Variants in SDK1 observed in about 807,000 individuals in gnomAD.
SDK1 encodes the protein protein sidekick-1.
In SDK1, 157 loss-of-function variants were observed where a neutral mutation model predicts 245.5. That is an observed-to-expected ratio of 0.64 (90% CI 0.56 to 0.73). SDK1 has a LOEUF of 0.73. Ranked by LOEUF, SDK1 falls within the 30% of genes least tolerant of loss-of-function variation. The pLI is 0.00. For synonymous variants in SDK1, 1,647 were observed against 1,278.5 expected, an observed-to-expected ratio of 1.29 and a Z score of -6.15; for missense variants, 3,583 against 3,002.3, an observed-to-expected ratio of 1.19 and a Z score of -4.52.
At chr7:3,942,032 C>T (rs1780388401) in intron 5 of SDK1, among the ~76,000 whole-genome samples, 1 of 151,820 alleles carries the variant, frequency 6.6e-6, no homozygotes, top group South Asian at 2.1e-4. Flanking sequence ...CCTCAGCCTC[C>T]CGTAGCTGGG....
chr7:3,972,769 T>A (rs980024840), intron 12 of SDK1, among the ~76,000 whole-genome samples: 2 of 152,086 alleles, frequency 1.3e-5, no homozygotes, highest in African/African-American at 4.8e-5. Context: ...CTTGAGCGGG[T>A]GTTTGGCCAA....
At chr7:3,557,568 C>T (rs191609469) in intron 1 of SDK1, among the ~76,000 whole-genome samples, 2 of 152,164 alleles carry the variant, frequency 1.3e-5, no homozygotes, top group Admixed American at 6.5e-5. Context: ...TACACACCTA[C>T]AAGTAAATAT....
At chr7:3,552,250 G>T (rs1270912000) in intron 1 of SDK1, among the ~76,000 whole-genome samples, 2 of 152,104 alleles carry the variant, frequency 1.3e-5, no homozygotes, top group Admixed American at 6.5e-5. Context: ...TATTAGCAAG[G>T]ATGGTCTCGA....
intron 40 of SDK1, 100 bp from the exon 41 acceptor site, chr7:4,233,155 C>A: frequency 8.7e-7 from 1 of 1,151,706 alleles, no homozygotes; most frequent in Non-Finnish European, 1.3e-6. Context: ...ATGCCTCATC[C>A]AGGGCTGCTG....
chr7:4,129,821 G>A, intron 26 of SDK1, 87 bp from the exon 27 acceptor site: 2 of 1,573,918 alleles, frequency 1.3e-6, no homozygotes, highest in Middle Eastern at 1.8e-4. Flanking sequence ...GCTGGGCCTT[G>A]ATTCACGAAG....
intron 1 of SDK1, among the ~76,000 whole-genome samples, chr7:3,390,739 G>A (rs1039550032): frequency 1.3e-4 from 20 of 152,238 alleles, no homozygotes; most frequent in African/African-American, 4.8e-4. Flanking sequence ...AGCTAGGAGA[G>A]AGGTGGAACA....
chr7:3,336,818 C>T (rs936866198), intron 1 of SDK1, among the ~76,000 whole-genome samples: 9 of 152,130 alleles, frequency 5.9e-5, no homozygotes, highest in African/African-American at 2.2e-4. Context: ...ACTCTCACCC[C>T]ATCTGTCTGC....
intron 4 of SDK1, among the ~76,000 whole-genome samples, chr7:3,804,405 C>G (rs553180448): frequency 5.3e-5 from 8 of 152,070 alleles, no homozygotes; most frequent in African/African-American, 9.7e-5. Flanking sequence ...CCTACTGTTA[C>G]GGGTCTCTTT....
In SDK1 at chr7:3,325,423, T is replaced by C. The variant is rs7798768; in HGVS notation, c.298+23539T>C. On this transcript the variant is annotated intron_variant, in intron 1 of 44. Transcript: ENST00000404826. ...ATTTTACTTTATATTTTCATTGATA[T>C]TCAACGAATACCAATTTAAGGAGAG... Among the ~76,000 whole-genome samples the C allele has an allele frequency of 4.9e-3, 750 of 152,300 alleles. 9 individuals carry two copies. Among genetic ancestry groups the C allele is most frequent in the African/African-American group, 0.017 (719 of 41,566 alleles).
intron 1 of SDK1, among the ~76,000 whole-genome samples, chr7:3,392,381 T>G (rs1040898085): frequency 1.3e-5 from 2 of 152,196 alleles, no homozygotes; most frequent in Non-Finnish European, 2.9e-5. Context: ...GCCTTTAAGT[T>G]GGATCTTGTG....
intron 40 of SDK1, among the ~76,000 whole-genome samples, chr7:4,228,366 C>T (rs1301228527): frequency 6.6e-6 from 1 of 152,204 alleles, no homozygotes; most frequent in African/African-American, 2.4e-5. Flanking sequence ...GCACCTCCGC[C>T]CTCCACAGAC....
intron 32 of SDK1, among the ~76,000 whole-genome samples, chr7:4,170,942 G>T (rs943914926): frequency 4.6e-5 from 7 of 152,182 alleles, no homozygotes; most frequent in Non-Finnish European, 8.8e-5. Context: ...AGAGCATTTA[G>T]TAAAATCAGC....
rs1338465819 is a variant in SDK1 at position 3,504,180 on chromosome 7, A to ATGTGTGTG, written c.299-114899_299-114898insGTGTGTGT. 3.0e-3 allele frequency among the ~76,000 whole-genome samples: 272 copies of ATGTGTGTG among 89,474 alleles called. 2 individuals are homozygous for ATGTGTGTG. Among genetic ancestry groups the ATGTGTGTG allele is most frequent in the African/African-American group, 4.7e-3 (110 of 23,394 alleles). The allele number at this position is 89,474 out of a possible 152,430, so 58.7% of individuals were successfully genotyped here. A position where few individuals can be genotyped will look rare whatever the true frequency, so the allele number is the denominator to read the frequency against. On this transcript the variant is annotated intron_variant, in intron 1 of 44. Transcript: ENST00000404826. Reference sequence around the variant, plus strand: ...AAAACCAAAAAAATTATATATATATATATGTGTGTGTGTGTGTGTGTGTGT... The same window carrying ATGTGTGTG: ...AAAACCAAAAAAATTATATATATATATGTGTGTGTATGTGTGTGTGTGTGTGTGTGTGT...
intron 1 of SDK1, among the ~76,000 whole-genome samples, chr7:3,510,589 C>G (rs1370829836): frequency 6.6e-6 from 1 of 152,130 alleles, no homozygotes; most frequent in Non-Finnish European, 1.5e-5. Context: ...AGAAAGAATA[C>G]AGGCTCAGAG....
chr7:3,514,869 C>T (rs188397449), intron 1 of SDK1, among the ~76,000 whole-genome samples: 277 of 152,288 alleles, frequency 1.8e-3, no homozygotes, highest in Admixed American at 3.2e-3. Context: ...CGCGTGCATG[C>T]GTGCATGCGT....
intron 1 of SDK1, among the ~76,000 whole-genome samples, chr7:3,561,796 A>C (rs886303074): frequency 2.6e-5 from 4 of 152,206 alleles, no homozygotes; most frequent in African/African-American, 9.7e-5. Context: ...AAGCTGAATA[A>C]ATTTCTCTGA....
chr7:4,237,526 A>G lies in SDK1; in HGVS notation c.5993-121A>G, dbSNP rs569133770. 1.2e-5 allele frequency: 14 copies of G among 1,135,450 alleles called. No individual in the cohort carries two copies. In the East Asian group the frequency reaches 2.4e-4, roughly 19 times the overall value. 70.3% of individuals were successfully genotyped at this position (1,135,450 alleles called of 1,614,324 possible). On this transcript the variant is annotated intron_variant, in intron 41 of 44. Transcript: ENST00000404826. ...ACCCGCCCGGCTGGACATTGGTTTC[A>G]TCTCACCTGTAACTGGGAGTTATCT... is the stretch of plus-strand genomic sequence containing the variant.
At chr7:3,802,257 C>T (rs1368081940) in intron 4 of SDK1, among the ~76,000 whole-genome samples, 1 of 152,142 alleles carries the variant, frequency 6.6e-6, no homozygotes, top group Non-Finnish European at 1.5e-5. Context: ...CTGGGCTGGT[C>T]TCACGCCTGT....
intron 1 of SDK1, among the ~76,000 whole-genome samples, chr7:3,531,891 G>C (rs1783359246): frequency 6.6e-6 from 1 of 152,144 alleles, no homozygotes; most frequent in African/African-American, 2.4e-5. Context: ...GTAGGCTTTT[G>C]TTTTAAACTT....
Sources: gnomAD v4.1 joint callset for allele counts (sites outside exome capture counted in the v4.1 genomes callset) on GRCh38, gnomAD v4.1.1 for gene constraint, MANE v1.5 for transcripts, NCBI Gene and HGNC (gene_info 2026-07-23, HGNC 2026-07-21) for gene names.